Variants in HPF1 observed in about 807,000 individuals in gnomAD.
The protein encoded by HPF1 is histone PARylation factor 1.
Under a neutral mutation model 38.8 loss-of-function variants are expected in HPF1, and 35 were observed. That is an observed-to-expected ratio of 0.90 (90% CI 0.69 to 1.19). The LOEUF (loss-of-function observed/expected upper bound fraction) is 1.19. Among genes scored for constraint, HPF1 ranks in the 50% most tolerant of loss-of-function variants. HPF1 has a pLI of 0.00. For synonymous variants in HPF1, 115 were observed against 139.2 expected (o/e 0.83, Z 1.22); for missense variants, 367 against 405.8 (o/e 0.90, Z 0.82).
At chr4:169,742,322 C>T (rs1422534824) in intron 4 of HPF1, among the ~76,000 whole-genome samples, 1 of 152,120 alleles carries the variant, frequency 6.6e-6, no homozygotes, top group Non-Finnish European at 1.5e-5. Context: ...AGAGCAAATA[C>T]GATTCAAATT....
rs544104224 is a variant in HPF1 at position 169,729,992 on chromosome 4, A to G, written c.910-283T>C. ...GTTTTATCAACTTTTTCTCACCCCA[A>G]ACAATGCCCACAAATACTTTTTATT... is the stretch of plus-strand genomic sequence containing the variant. On this transcript the variant is annotated intron_variant, in intron 7 of 7. Transcript: ENST00000393381. Among the ~76,000 whole-genome samples, 9 of 152,296 alleles carry G rather than the reference A, an allele frequency of 5.9e-5. No homozygotes were observed. The South Asian group carries it at 1.2e-3, about 21-fold the overall frequency.
chr4:169,732,136 GATT>G, intron 6 of HPF1: 1 of 230,340 alleles, frequency 4.3e-6, no homozygotes, highest in Admixed American at 7.5e-5. Flanking sequence ...TTACAGTCAC[GATT>G]TTTTTTTTTT....
chr4:169,743,627 G>A (rs528795873), intron 4 of HPF1, among the ~76,000 whole-genome samples: 4 of 151,902 alleles, frequency 2.6e-5, no homozygotes, highest in South Asian at 2.1e-4. Flanking sequence ...TGCCACTTAT[G>A]GAAATAATTT....
chr4:169,748,945 C>A, intron 3 of HPF1, 103 bp from the exon 4 acceptor site: 1 of 592,388 alleles, frequency 1.7e-6, no homozygotes. Flanking sequence ...TATTTTTTTT[C>A]CTTTTTGGAG....
chr4:169,742,098 C>T lies in HPF1; in HGVS notation c.507G>A (p.Leu169=), dbSNP rs752086770. ...DNVFAAVKLF[L]TKKLREITDK... ...CCGTTATTTCTCTAAGTTTTTTCGT[C>T]AAAAATAATCTGAAAAAGAAGTAAA... is the stretch of plus-strand genomic sequence containing the variant. Residue 169 remains leucine, a synonymous_variant, in exon 5 of 8, where the codon TTG becomes TTA. Transcript: ENST00000393381. 6.2e-7 allele frequency: 1 copy of T among 1,609,908 alleles called. No homozygotes were observed. The highest frequency in any genetic ancestry group is 1.7e-5 in the Admixed American group (1 of 59,892).
rs562932037 is a variant in HPF1, at chr4:169,739,467, G to A, written c.649-1720C>T. 9.9e-5 allele frequency among the ~76,000 whole-genome samples: 15 copies of A among 151,838 alleles called. No individual in the cohort carries two copies. The East Asian group carries it at 1.7e-3, about 18-fold the overall frequency. On this transcript the variant is annotated intron_variant, in intron 5 of 7. Coordinates refer to ENST00000393381, the MANE Select transcript of HPF1 (RefSeq NM_017867.3). ...TGGCCAACAGAGAAAAGTATTTAAC[G>A]TCCTTTATAATTAAAGAAATGCTAA... is the stretch of plus-strand genomic sequence containing the variant.
At chr4:169,733,031 T>C (rs1413032712) in intron 6 of HPF1, among the ~76,000 whole-genome samples, 1 of 152,194 alleles carries the variant, frequency 6.6e-6, no homozygotes, top group Non-Finnish European at 1.5e-5. Flanking sequence ...TTTTGCCCTG[T>C]CCTACCTTGT....
At chr4:169,744,911 T>C (rs535943963) in intron 4 of HPF1, among the ~76,000 whole-genome samples, 32 of 151,790 alleles carry the variant, frequency 2.1e-4, no homozygotes, top group Admixed American at 4.6e-4. Flanking sequence ...TCTAAAATGC[T>C]ACAAAGGTAT....
chr4:169,744,018 G>C (rs1249126222), intron 4 of HPF1, among the ~76,000 whole-genome samples: 1 of 152,140 alleles, frequency 6.6e-6, no homozygotes, highest in Admixed American at 6.5e-5. Flanking sequence ...TCTGATTACA[G>C]CACACGGTTA....
At position 169,755,071 on chromosome 4, in the gene HPF1, CT is replaced by C. The variant is rs200849403; in HGVS notation, c.49-1237del. The stretch of plus-strand genomic sequence containing the variant: ...CTAATGCTATCCCTCCCCCCGCCCC[CT>C]CATATTTATATTCTTCTATTTTCTC... On this transcript the variant is annotated intron_variant, in intron 1 of 7. Coordinates refer to ENST00000393381, the MANE Select transcript of HPF1 (RefSeq NM_017867.3). Among the ~76,000 whole-genome samples the C allele has an allele frequency of 7.1e-3, 884 of 124,858 alleles. 15 individuals are homozygous for C. The highest frequency in any genetic ancestry group is 0.032 in the African/African-American group (729 of 22,834). The allele number at this position is 124,858 out of a possible 152,430, so 81.9% of individuals were successfully genotyped here.
At chr4:169,736,863 T>C (rs1733902481) in intron 6 of HPF1, among the ~76,000 whole-genome samples, 1 of 152,200 alleles carries the variant, frequency 6.6e-6, no homozygotes, top group African/African-American at 2.4e-5. Flanking sequence ...GCGATTTTAA[T>C]TCTCGATGTT....
In HPF1 at chr4:169,757,872, G is replaced by C. The variant is rs765737535; in HGVS notation, c.6C>G (p.Val2=). 3.2e-6 allele frequency: 5 copies of C among 1,560,252 alleles called. No individual in the cohort carries two copies. The African/African-American group carries it at 5.4e-5, about 17-fold the overall frequency. M[V]GGGGKRRPGG... ...CGGGCCTGCGCTTCCCGCCACCGCC[G>C]ACCATTCTGCAGCTGCAGCGCCAGC... The change falls in exon 1 of 8, where the codon GTC becomes GTG. Residue 2 remains valine, a synonymous_variant. Coordinates refer to ENST00000393381, the MANE Select transcript of HPF1 (RefSeq NM_017867.3).
chr4:169,748,929 T>C, intron 3 of HPF1, 87 bp from the exon 4 acceptor site: 2 of 650,016 alleles, frequency 3.1e-6, no homozygotes. Flanking sequence ...GACAACAATT[T>C]ACACCTATTT....
chr4:169,741,919 G>A (rs1385117467), intron 5 of HPF1, 38 bp downstream of exon 5: 11 of 1,578,496 alleles, frequency 7.0e-6, no homozygotes, highest in South Asian at 2.3e-5. Flanking sequence ...AAAAAAATAT[G>A]CTATAGCAAA....
intron 2 of HPF1, among the ~76,000 whole-genome samples, chr4:169,751,109 G>A (rs1734113112): frequency 6.6e-6 from 1 of 152,048 alleles, no homozygotes; most frequent in South Asian, 2.1e-4. Context: ...TGTGGATTAA[G>A]AGTAGTAAAA....
intron 6 of HPF1, among the ~76,000 whole-genome samples, chr4:169,734,448 T>G (rs1413891784): frequency 6.6e-6 from 1 of 152,108 alleles, no homozygotes; most frequent in Admixed American, 6.5e-5. Context: ...AAGTCACATA[T>G]GGACTAAAAA....
chr4:169,742,589 A>C (rs28631486), intron 4 of HPF1, among the ~76,000 whole-genome samples: 2 of 152,072 alleles, frequency 1.3e-5, no homozygotes, highest in Non-Finnish European at 1.5e-5. Flanking sequence ...TCAGGAGATC[A>C]AGACCATCCT....
Position 169,757,839 on chromosome 4 carries a change from C to T in HPF1, c.39G>A (p.Glu13=). 6.4e-7 allele frequency: 1 copy of T among 1,564,728 alleles called. No individual in the cohort carries two copies. Among genetic ancestry groups the T allele is most frequent in the Non-Finnish European group, 8.6e-7 (1 of 1,162,132 alleles). ...GCCTTTCCGGCAGTACCTGCGGCCC[C>T]TCTCCGCCGGGCCTGCGCTTCCCGC... The part of the protein sequence containing the change: ...GGGGKRRPGG[E]GPQCEKTTDV... Residue 13 remains glutamate (E), a synonymous_variant, in exon 1 of 8, where the codon GAG becomes GAA. Transcript: ENST00000393381.
At chr4:169,730,992 G>GCA (rs932422894) in intron 7 of HPF1, among the ~76,000 whole-genome samples, 3 of 152,182 alleles carry the variant, frequency 2.0e-5, no homozygotes, top group African/African-American at 7.2e-5. Flanking sequence ...GTGTGGGTAT[G>GCA]CACTCGTGCA....
Sources: gnomAD v4.1 joint callset for allele counts (sites outside exome capture counted in the v4.1 genomes callset) on GRCh38, gnomAD v4.1.1 for gene constraint, MANE v1.5 for transcripts, NCBI Gene and HGNC (gene_info 2026-07-23, HGNC 2026-07-21) for gene names.